EFL1: variants seen among roughly 807,000 people sequenced by gnomAD.
EFL1 encodes the protein elongation factor like GTPase 1, also known as elongation factor-like GTPase 1.
In EFL1, 76 loss-of-function variants were observed where a neutral mutation model predicts 126.7. The ratio of observed to expected loss-of-function variants is 0.60; its 90% CI spans 0.50 to 0.73. The LOEUF (loss-of-function observed/expected upper bound fraction) is 0.73, where lower values mean the gene tolerates loss of function less well. Ranked by LOEUF, EFL1 falls within the 30% of genes least tolerant of loss-of-function variation. The pLI is 0.00. For synonymous variants in EFL1, 410 were observed against 448.4 expected (o/e 0.91, Z 1.08); for missense variants, 1,128 against 1,343.2 (o/e 0.84, Z 2.50).
intron 15 of EFL1, among the ~76,000 whole-genome samples, chr15:82,200,639 A>C (rs980577543): frequency 1.3e-5 from 2 of 152,218 alleles, no homozygotes; most frequent in Non-Finnish European, 2.9e-5. Flanking sequence ...GGGCAGGAAG[A>C]ACCAGTTAGT....
intron 4 of EFL1, among the ~76,000 whole-genome samples, chr15:82,252,000 A>T (rs1212125767): frequency 3.3e-5 from 5 of 152,182 alleles, no homozygotes; most frequent in Non-Finnish European, 7.3e-5. Flanking sequence ...ATATATTTTT[A>T]TTACCTAAAC....
intron 4 of EFL1, among the ~76,000 whole-genome samples, chr15:82,245,359 C>G (rs549310956): frequency 6.6e-6 from 1 of 152,108 alleles, no homozygotes; most frequent in East Asian, 1.9e-4. Context: ...TGGCAGGTCT[C>G]AAACTCCTGT....
chr15:82,131,437 G>A (rs757055605), intron 19 of EFL1, among the ~76,000 whole-genome samples: 6 of 152,168 alleles, frequency 3.9e-5, no homozygotes, highest in South Asian at 2.1e-4. Flanking sequence ...GATTACAGGT[G>A]CATGCCACCA....
At chr15:82,222,889 C>T (rs944596548) in intron 12 of EFL1, among the ~76,000 whole-genome samples, 3 of 151,922 alleles carry the variant, frequency 2.0e-5, no homozygotes. Flanking sequence ...GAATGTTGAC[C>T]GAAGATTCAA....
intron 15 of EFL1, among the ~76,000 whole-genome samples, chr15:82,202,834 C>A (rs150180019): frequency 1.4e-5 from 2 of 145,324 alleles, no homozygotes; most frequent in African/African-American, 5.2e-5. Flanking sequence ...TTTTTTGAGA[C>A]GGAGTCTTGC....
At chr15:82,251,057 C>A (rs566765361) in intron 4 of EFL1, among the ~76,000 whole-genome samples, 3 of 152,068 alleles carry the variant, frequency 2.0e-5, no homozygotes, top group African/African-American at 7.2e-5. Flanking sequence ...ACTAAAAATA[C>A]AAAAATTAGC....
rs2073923673 is a variant in EFL1, at chr15:82,152,439, A to G, written c.2031-16T>C. 2.5e-6 allele frequency: 4 copies of G among 1,579,282 alleles called. No homozygotes were observed. The highest frequency in any genetic ancestry group is 3.4e-6 in the Non-Finnish European group (4 of 1,165,242). ...CTTTGCAAACCTACAGACAAATTCA[A>G]GAGAAATAACAGAAGGTTAAAATCA... On this transcript the variant is annotated splice_polypyrimidine_tract_variant and intron_variant, in intron 17 of 19. Transcript: ENST00000268206.
intron 12 of EFL1, among the ~76,000 whole-genome samples, chr15:82,223,908 C>A (rs1163154986): frequency 3.9e-5 from 6 of 152,184 alleles, no homozygotes; most frequent in Admixed American, 3.9e-4. Context: ...CCCATCTATT[C>A]CTTTACTTAT....
intron 15 of EFL1, among the ~76,000 whole-genome samples, chr15:82,191,685 A>G (rs1260698618): frequency 6.6e-6 from 1 of 151,932 alleles, no homozygotes; most frequent in East Asian, 1.9e-4. Context: ...CACTCTATCC[A>G]TACATGATTA....
In EFL1 at chr15:82,157,709, T is replaced by C; in HGVS notation, c.2030+4A>G. The stretch of plus-strand genomic sequence containing the variant: ...TTTCTCCATCGCTATCATTTTCACC[T>C]AACCTTTCTTTTAAGTCATCCAGGC... On this transcript the variant is annotated splice_donor_region_variant and intron_variant, in intron 17 of 19. Coordinates refer to ENST00000268206, the MANE Select transcript of EFL1 (RefSeq NM_024580.6). The C allele has an allele frequency of 5.0e-6, 8 of 1,611,006 alleles. No homozygotes were observed. The highest frequency in any genetic ancestry group is 1.1e-5 in the South Asian group (1 of 90,652).
At chr15:82,145,927 A>C (rs1414612305) in intron 18 of EFL1, among the ~76,000 whole-genome samples, 1 of 152,094 alleles carries the variant, frequency 6.6e-6, no homozygotes, top group African/African-American at 2.4e-5. Flanking sequence ...GTTATTACCA[A>C]AGATTTTTTA....
rs752907647 is a variant in EFL1 at position 82,157,852 on chromosome 15, G to GC, written c.1890dup (p.Pro631AlafsTer14). The GC allele has an allele frequency of 6.2e-7, 1 of 1,612,510 alleles. No homozygotes were observed. The highest frequency in any genetic ancestry group is 8.5e-7 in the Non-Finnish European group (1 of 1,178,990). On this transcript the variant is annotated frameshift_variant, in exon 17 of 20. Transcript: ENST00000268206. LOFTEE classifies it high-confidence loss of function. ...AGTTTCATTCCTTTTACGAGCTGAG[G>GC]CATTTCACCTAGGTTAACAAAACGA...
intron 15 of EFL1, among the ~76,000 whole-genome samples, chr15:82,186,236 G>C (rs1436911905): frequency 6.6e-6 from 1 of 151,978 alleles, no homozygotes; most frequent in Non-Finnish European, 1.5e-5. Context: ...TCTGACTTTT[G>C]TCAGTGTTTA....
intron 18 of EFL1, among the ~76,000 whole-genome samples, chr15:82,146,942 T>C (rs2073853008): frequency 6.6e-6 from 1 of 152,036 alleles, no homozygotes; most frequent in African/African-American, 2.4e-5. Context: ...GATGGCCAAG[T>C]GGGGAGTGCC....
chr15:82,225,308 T>TAAA, intron 11 of EFL1, 44 bp from the exon 12 acceptor site: 48 of 1,121,580 alleles, frequency 4.3e-5, no homozygotes, highest in South Asian at 2.2e-4. Context: ...TTCCCATTAT[T>TAAA]AAAAAAAAAA....
At chr15:82,247,451 G>A (rs1467001861) in intron 4 of EFL1, among the ~76,000 whole-genome samples, 2 of 152,062 alleles carry the variant, frequency 1.3e-5, no homozygotes. Flanking sequence ...ATCACCAGGA[G>A]CTGACAATGA....
intron 15 of EFL1, among the ~76,000 whole-genome samples, chr15:82,169,530 A>G (rs538764847): frequency 9.2e-5 from 14 of 152,224 alleles, no homozygotes; most frequent in Non-Finnish European, 1.6e-4. Context: ...AACTAGGCAG[A>G]TAAGTTACTA....
chr15:82,251,006 G>A (rs1275382889), intron 4 of EFL1, among the ~76,000 whole-genome samples: 3 of 152,000 alleles, frequency 2.0e-5, no homozygotes, highest in Non-Finnish European at 4.4e-5. Context: ...GCGGTCAGGA[G>A]TTCAAGACCA....
intron 15 of EFL1, among the ~76,000 whole-genome samples, chr15:82,192,192 G>C (rs1451012976): frequency 6.6e-6 from 1 of 152,034 alleles, no homozygotes; most frequent in African/African-American, 2.4e-5. Flanking sequence ...TTGAGGTCAG[G>C]AGTTCAAGAC....
Sources: allele counts gnomAD v4.1 joint callset (sites outside exome capture counted in the v4.1 genomes callset), GRCh38; gene constraint gnomAD v4.1.1; transcripts MANE v1.5; gene names NCBI Gene and HGNC (gene_info 2026-07-23, HGNC 2026-07-21).